Variants in NPC1 observed in about 807,000 individuals in gnomAD.
NPC1 encodes the protein NPC intracellular cholesterol transporter 1, also known as Niemann-Pick C1 protein.
NPC1 carries 85 observed loss-of-function variants against 140.4 expected under a neutral mutation model. That is an observed-to-expected ratio of 0.61 (90% CI 0.51 to 0.72). The LOEUF (loss-of-function observed/expected upper bound fraction) is 0.72. NPC1 is among the 30% of genes least tolerant of loss of function. The pLI, the probability that NPC1 is intolerant of heterozygous loss-of-function variation, is 0.00. For synonymous variants in NPC1, 656 were observed against 624.8 expected, an observed-to-expected ratio of 1.05 and a Z score of -0.74; for missense variants, 1,504 against 1,623.8, an observed-to-expected ratio of 0.93 and a Z score of 1.27.
In NPC1 at chr18:23,563,011, C is replaced by T. The variant is rs137939851; in HGVS notation, c.464-1484G>A. On this transcript the variant is annotated intron_variant, in intron 4 of 24. Coordinates refer to ENST00000269228, the MANE Select transcript of NPC1 (RefSeq NM_000271.5). The stretch of plus-strand genomic sequence containing the variant: ...CATTTTCATCACCTCAAAAGAAATC[C>T]TGTATTCTAGCTATGCACAACTACC... Among the ~76,000 whole-genome samples the T allele has an allele frequency of 2.2e-4, 33 of 152,198 alleles. No individual in the cohort carries two copies. In the East Asian group the frequency reaches 6.0e-3, roughly 28 times the overall value.
intron 1 of NPC1, chr18:23,576,993 A>G (rs548769491): frequency 3.3e-5 from 5 of 152,328 alleles, no homozygotes; most frequent in African/African-American, 1.2e-4. Context: ...ATCTGGCCCC[A>G]CCCACATCCT....
Position 23,544,663 on chromosome 18 carries a change from G to GA in NPC1, c.1948-138dup, listed in dbSNP as rs1364370457. On this transcript the variant is annotated intron_variant, in intron 12 of 24. Coordinates refer to ENST00000269228, the MANE Select transcript of NPC1 (RefSeq NM_000271.5). ...ATGTACAATTCTGTGTTTCAGAGAG[G>GA]ACTTGTAAACATTTCTAGGTCTGCT... 7.2e-5 allele frequency: 62 copies of GA among 865,424 alleles called. 1 individual carries two copies. The Admixed American group carries it at 7.9e-4, about 11-fold the overall frequency. 53.6% of individuals were successfully genotyped at this position (865,424 alleles called of 1,614,324 possible).
Position 23,572,167 on chromosome 18 carries a change from C to A in NPC1, c.194G>T (p.Gly65Val), listed in dbSNP as rs2059213681. Residue 65 changes from glycine to valine, a missense_variant, in exon 3 of 25, where the codon GGA (glycine) becomes GTA (valine). Physicochemically the swap from Gly to Val is moderately radical, Grantham distance 109 (BLOSUM62 -3). Transcript: ENST00000269228. ...GYDLVQELCPGFFFGNVSLCC... is the reference protein window; with the variant it reads ...GYDLVQELCPVFFFGNVSLCC... ...GAGACTGACATTGCCAAAGAAGAAT[C>A]CTGGACAGAGTTCCTTTCAGGTGAA... 21 of 1,612,864 alleles carry A rather than the reference C, an allele frequency of 1.3e-5. No homozygotes were observed. The highest frequency in any genetic ancestry group is 1.6e-5 in the Non-Finnish European group (19 of 1,179,234).
chr18:23,551,473 C>G (rs1455174564), intron 10 of NPC1, 154 bp downstream of exon 10: 18 of 742,696 alleles, frequency 2.4e-5, no homozygotes, highest in Non-Finnish European at 1.4e-5. Context: ...GAAACCCAAA[C>G]CCAAAGCCAA....
At chr18:23,576,618 G>C in intron 1 of NPC1, 1 of 358,012 alleles carries the variant, frequency 2.8e-6, no homozygotes, top group Non-Finnish European at 3.9e-6. Flanking sequence ...AGCTCTTAAG[G>C]TGGCGCGTCT....
At chr18:23,537,965 C>A (rs8097765) in intron 20 of NPC1, among the ~76,000 whole-genome samples, 1,832 of 152,254 alleles carry the variant, frequency 0.012, 39 homozygotes, top group African/African-American at 0.042. Flanking sequence ...TTCCACCTCC[C>A]AAAGCTTCCA....
Position 23,533,377 on chromosome 18 carries a change from G to C in NPC1, c.3732C>G (p.Leu1244=), listed in dbSNP as rs1621962. The change falls in exon 24 of 25, where the codon CTC becomes CTG. Residue 1244 remains leucine (L), a synonymous_variant. Coordinates refer to ENST00000269228, the MANE Select transcript of NPC1 (RefSeq NM_000271.5). ...LLGATHGLIF[L]PVLLSYIGPS... is the part of the protein sequence containing the mutation. ...TACCTATGTAACTGAGTAAGACAGGGAGAAATATTAATCCGTGAGTGGCTC... is the reference window on the plus strand; with the variant it reads ...TACCTATGTAACTGAGTAAGACAGGCAGAAATATTAATCCGTGAGTGGCTC... 8 of 1,614,104 alleles carry C rather than the reference G, an allele frequency of 5.0e-6. No individual in the cohort carries two copies. The highest frequency in any genetic ancestry group is 1.7e-5 in the Admixed American group (1 of 60,024).
At chr18:23,576,106 C>G (rs996818550) in intron 1 of NPC1, among the ~76,000 whole-genome samples, 8 of 152,100 alleles carry the variant, frequency 5.3e-5, no homozygotes, top group African/African-American at 1.9e-4. Flanking sequence ...TGCCTGTAAT[C>G]CCAGCTACTT....
intron 3 of NPC1, among the ~76,000 whole-genome samples, chr18:23,513,925 C>A (rs1026587443): frequency 6.6e-6 from 1 of 152,170 alleles, no homozygotes; most frequent in Non-Finnish European, 1.5e-5. Flanking sequence ...GATATTAACA[C>A]CTTCTTAGAG....
chr18:23,559,451 T>G (rs569102197), intron 6 of NPC1, among the ~76,000 whole-genome samples: 61 of 151,940 alleles, frequency 4.0e-4, no homozygotes, highest in African/African-American at 1.3e-3. Flanking sequence ...TAGTACTCCA[T>G]TTAATTAGAT....
At chr18:23,527,657 C>T, downstream of NPC1, 16 of 136,644 alleles carry the variant, frequency 1.2e-4, no homozygotes, top group South Asian at 4.1e-4. Flanking sequence ...GCTGTCAGGT[C>T]TTTAAAGTAG....
intron 2 of NPC1, 56 bp downstream of exon 2, chr18:23,573,396 C>T: frequency 6.2e-7 from 1 of 1,612,072 alleles, no homozygotes; most frequent in Non-Finnish European, 8.5e-7. Context: ...GGAATAATTA[C>T]AGAGGATCTT....
At chr18:23,545,988 C>T (rs1397405739) in intron 11 of NPC1, among the ~76,000 whole-genome samples, 1 of 152,116 alleles carries the variant, frequency 6.6e-6, no homozygotes, top group East Asian at 1.9e-4. Flanking sequence ...ATGGCTTATG[C>T]CTGTAATTCC....
At position 23,539,346 on chromosome 18, in the gene NPC1, A is replaced by AG. The variant is rs2058678772; in HGVS notation, c.2911+8dup. The AG allele has an allele frequency of 6.3e-7, 1 of 1,584,478 alleles. No homozygotes were observed. ...CAAAACAGGAAAGATTTGGTAAAGG[A>AG]GAAGGTACCTGAAGCATTGCAGAAC... On this transcript the variant is annotated intron_variant, in intron 19 of 24. Transcript: ENST00000269228.
intron 3 of NPC1, chr18:23,507,908 C>A: frequency 1.5e-6 from 2 of 1,321,746 alleles, no homozygotes; most frequent in Non-Finnish European, 2.1e-6. Flanking sequence ...TTTTTCTTGT[C>A]TTGTAGTATG....
At chr18:23,560,120 T>G (rs931268542) in intron 6 of NPC1, 111 bp downstream of exon 6, 10 of 1,276,762 alleles carry the variant, frequency 7.8e-6, no homozygotes, top group Non-Finnish European at 1.1e-5. Context: ...ATGGTATTCA[T>G]GGAGGTATTT....
chr18:23,540,229 T>C (rs1225790773), intron 17 of NPC1, among the ~76,000 whole-genome samples: 1 of 152,110 alleles, frequency 6.6e-6, no homozygotes, highest in Non-Finnish European at 1.5e-5. Flanking sequence ...ATAAGACTAG[T>C]TATTCGTGTT....
At chr18:23,558,459 G>T (rs1273061616) in intron 6 of NPC1, among the ~76,000 whole-genome samples, 1 of 152,012 alleles carries the variant, frequency 6.6e-6, no homozygotes, top group East Asian at 1.9e-4. Flanking sequence ...GAAAATACCA[G>T]ATAAAGCCAA....
chr18:23,530,051 C>A, downstream of NPC1: 1 of 1,614,148 alleles, frequency 6.2e-7, no homozygotes, highest in South Asian at 1.1e-5. Context: ...AACTTGTTAT[C>A]AAAACCCTTG....
Sources: gnomAD v4.1 joint callset for allele counts (sites outside exome capture counted in the v4.1 genomes callset) on GRCh38, gnomAD v4.1.1 for gene constraint, MANE v1.5 for transcripts, NCBI Gene and HGNC (gene_info 2026-07-23, HGNC 2026-07-21) for gene names.